Variants in DLG5 observed in about 807,000 individuals in gnomAD.
DLG5 encodes discs large MAGUK scaffold protein 5, also known as disks large homolog 5.
Under a neutral mutation model 189.8 loss-of-function variants are expected in DLG5, and 48 were observed. That is an observed-to-expected ratio of 0.25 (90% confidence interval 0.20 to 0.32). The LOEUF (loss-of-function observed/expected upper bound fraction) is 0.32. Among genes scored for constraint, DLG5 ranks in the 10% least tolerant of loss-of-function variants. The pLI, the probability that DLG5 is intolerant of heterozygous loss-of-function variation, is 1.00. For synonymous variants in DLG5, 1,016 were observed against 1,054.1 expected (o/e 0.96, Z 0.70); for missense variants, 2,160 against 2,544.7 (o/e 0.85, Z 3.25).
In DLG5 at chr10:77,821,563, A is replaced by G; in HGVS notation, c.2921T>C (p.Phe974Ser). 1 of 1,612,920 alleles carries G rather than the reference A, an allele frequency of 6.2e-7. No homozygotes were observed. The highest frequency in any genetic ancestry group is 1.1e-5 in the South Asian group (1 of 91,088). The change falls in exon 15 of 32, where the codon TTT (phenylalanine) becomes TCT (serine). Residue 974 changes from phenylalanine to serine, a missense_variant. Phe to Ser is a radical substitution (Grantham distance 155). Transcript: ENST00000372391. The part of the protein sequence containing the change: ...YKKPKQRKSI[F>S]DPNTFKRPQT... ...GGGGCGTTTGAAAGTGTTAGGGTCA[A>G]AGATGGACTTTCTTTGCTTTGGCTT...
chr10:77,792,317 G>T lies in DLG5; in HGVS notation c.*123C>A. 1 of 1,003,768 alleles carries T rather than the reference G, an allele frequency of 1.0e-6. No homozygotes were observed. 62.2% of individuals were successfully genotyped at this position (1,003,768 alleles called of 1,614,324 possible). On this transcript the variant is annotated 3_prime_UTR_variant, in exon 32 of 32. Coordinates refer to ENST00000372391, the MANE Select transcript of DLG5 (RefSeq NM_004747.4). ...ACAAAGGAGGTGCTTCTGGGTCCTG[G>T]TTCCGGATCCTTCCCCCGCATGTTC...
Position 77,830,830 on chromosome 10 carries a change from G to C in DLG5, c.1792C>G (p.Gln598Glu), listed in dbSNP as rs777955322. The C allele has an allele frequency of 6.2e-6, 10 of 1,614,184 alleles. No homozygotes were observed. Among genetic ancestry groups the C allele is most frequent in the Non-Finnish European group, 5.9e-6 (7 of 1,180,022 alleles). Reference sequence around the variant, plus strand: ...TCGTGGGAGCTGTGGGCCATCAGCTGTCGGAACCGGGCCTCCTTTTCCAAC... The same window carrying C: ...TCGTGGGAGCTGTGGGCCATCAGCTCTCGGAACCGGGCCTCCTTTTCCAAC... The part of the protein sequence containing the change: ...SQLEKEARFR[Q>E]LMAHSSHDSA... Residue 598 changes from glutamine (Q) to glutamate (E), a missense_variant, in exon 10 of 32, where the codon CAG (glutamine) becomes GAG (glutamate). Transcript: ENST00000372391.
chr10:77,881,596 G>A (rs1845283659), intron 1 of DLG5, among the ~76,000 whole-genome samples: 1 of 152,182 alleles, frequency 6.6e-6, no homozygotes, highest in Non-Finnish European at 1.5e-5. Context: ...TCTGGAACAA[G>A]CTAGATAAAT....
At position 77,813,983 on chromosome 10, in the gene DLG5, TTTC is replaced by T. The variant is rs568534748; in HGVS notation, c.4026-1609_4026-1607del. On this transcript the variant is annotated intron_variant, in intron 20 of 31. Transcript: ENST00000372391. ...GGGATCTGAGCTAATCTTTTTTTTC[TTTC>T]TTTTTTTTTGGAGGCAGATTCTTGC... Among the ~76,000 whole-genome samples, 40 of 151,008 alleles carry T rather than the reference TTTC, an allele frequency of 2.6e-4. No individual in the cohort carries two copies. In the South Asian group the frequency reaches 8.1e-3, roughly 31 times the overall value.
intron 13 of DLG5, among the ~76,000 whole-genome samples, chr10:77,828,176 T>G (rs374882645): frequency 1.3e-5 from 2 of 152,186 alleles, no homozygotes; most frequent in East Asian, 1.9e-4. Flanking sequence ...ATGTTAAATG[T>G]AGAGAACTAC....
intron 2 of DLG5, chr10:77,867,939 G>A (rs1257780984): frequency 2.2e-6 from 1 of 456,690 alleles, no homozygotes; most frequent in Non-Finnish European, 4.4e-6. Context: ...TTTGGAGACA[G>A]ACACACATGG....
At chr10:77,860,342 G>A (rs975193740) in intron 2 of DLG5, among the ~76,000 whole-genome samples, 1 of 152,194 alleles carries the variant, frequency 6.6e-6, no homozygotes, top group Admixed American at 6.5e-5. Context: ...TTGTTGCCCA[G>A]GCTGGAGTGC....
chr10:77,832,036 C>T lies in DLG5; in HGVS notation c.1749-1163G>A, dbSNP rs376258874. 3.3e-5 allele frequency among the ~76,000 whole-genome samples: 5 copies of T among 152,166 alleles called. No homozygotes were observed. In the South Asian group the frequency reaches 6.2e-4, roughly 19 times the overall value. On this transcript the variant is annotated intron_variant, in intron 9 of 31. Coordinates refer to ENST00000372391, the MANE Select transcript of DLG5 (RefSeq NM_004747.4). ...CAGCCTGGCCAACATGGTAAAACCC[C>T]GTCTCTACCAAAAATACAAAAATTA...
At chr10:77,922,499 G>A (rs942936842) in intron 1 of DLG5, among the ~76,000 whole-genome samples, 4 of 152,150 alleles carry the variant, frequency 2.6e-5, no homozygotes, top group Non-Finnish European at 5.9e-5. Flanking sequence ...TCAAATCCGG[G>A]ACAAAAGAAA....
At chr10:77,793,279 C>T (rs1470843654) in intron 31 of DLG5, 4 of 153,100 alleles carry the variant, frequency 2.6e-5, no homozygotes, top group African/African-American at 9.7e-5. Context: ...CACCCACACA[C>T]ACACACACAC....
chr10:77,873,978 G>A (rs967998896), intron 1 of DLG5, among the ~76,000 whole-genome samples: 9 of 152,168 alleles, frequency 5.9e-5, no homozygotes, highest in Non-Finnish European at 1.2e-4. Context: ...ACATCCTGCC[G>A]CCCTCCTCCA....
chr10:77,873,630 G>A (rs1048935815), intron 1 of DLG5, among the ~76,000 whole-genome samples: 1 of 152,108 alleles, frequency 6.6e-6, no homozygotes, highest in African/African-American at 2.4e-5. Context: ...CAAGAGAGAT[G>A]GAAGCACGCC....
intron 5 of DLG5, among the ~76,000 whole-genome samples, chr10:77,846,890 G>A (rs980998172): frequency 6.6e-6 from 1 of 152,062 alleles, no homozygotes; most frequent in Non-Finnish European, 1.5e-5. Flanking sequence ...TCCCAGCTCA[G>A]AAACAAACTC....
chr10:77,864,120 C>A (rs145701389), intron 2 of DLG5, among the ~76,000 whole-genome samples: 1 of 152,312 alleles, frequency 6.6e-6, no homozygotes, highest in African/African-American at 2.4e-5. Flanking sequence ...GCTATGGTCA[C>A]CACCACCGAG....
chr10:77,919,563 G>A (rs1846473860), intron 1 of DLG5, among the ~76,000 whole-genome samples: 1 of 139,540 alleles, frequency 7.2e-6, no homozygotes. Flanking sequence ...TTGCAGTTAG[G>A]AACAGATCTC....
At chr10:77,933,074 G>A in the DLG5 span, among the ~76,000 whole-genome samples, 4 of 150,596 alleles carry the variant, frequency 2.7e-5, no homozygotes, top group East Asian at 7.8e-4. Flanking sequence ...TGCTGTCTGG[G>A]AGCATTAACT....
At chr10:77,827,159 G>A (rs1842678691) in intron 13 of DLG5, among the ~76,000 whole-genome samples, 2 of 152,162 alleles carry the variant, frequency 1.3e-5, no homozygotes, top group African/African-American at 4.8e-5. Context: ...TTGTTGTCAC[G>A]ATTTGCCTTT....
chr10:77,891,573 GACACACACACACACACACAC>G (rs55688664), intron 1 of DLG5, among the ~76,000 whole-genome samples: 1 of 140,494 alleles, frequency 7.1e-6, no homozygotes, highest in Non-Finnish European at 1.6e-5. Context: ...TCCCCCAACA[GACACACACACACACACACAC>G]ACACACACAC....
chr10:77,845,934 T>TA (rs1209911526), intron 5 of DLG5, among the ~76,000 whole-genome samples: 13,134 of 97,414 alleles, frequency 0.13, 2,006 homozygotes, highest in African/African-American at 0.38. Flanking sequence ...AATCTTTCTT[T>TA]AAAAAAAAAA....
Sources: gnomAD v4.1 joint callset for allele counts (sites outside exome capture counted in the v4.1 genomes callset) on GRCh38, gnomAD v4.1.1 for gene constraint, MANE v1.5 for transcripts, NCBI Gene and HGNC (gene_info 2026-07-23, HGNC 2026-07-21) for gene names.